The following SCLT1 variants were observed in gnomAD, a reference collection of about 807,000 sequenced individuals.
SCLT1 encodes sodium channel-associated protein 1.
In SCLT1, 78 loss-of-function variants were observed where a neutral mutation model predicts 112.8. The observed-to-expected ratio is 0.69, with a 90% CI of 0.58 to 0.83. SCLT1 has a LOEUF of 0.83. Among genes scored for constraint, SCLT1 ranks in the 40% least tolerant of loss-of-function variants. The pLI is 0.00. For synonymous variants in SCLT1, 257 were observed against 254.7 expected (o/e 1.01, Z -0.09); for missense variants, 747 against 770.4 (o/e 0.97, Z 0.36).
chr4:128,921,380 C>T (rs1380790636), intron 18 of SCLT1, among the ~76,000 whole-genome samples: 1 of 151,950 alleles, frequency 6.6e-6, no homozygotes, highest in Non-Finnish European at 1.5e-5. Flanking sequence ...AAACTGGAGG[C>T]ACCATGTTAA....
At chr4:129,032,990 C>A (rs1423719518) in intron 5 of SCLT1, among the ~76,000 whole-genome samples, 5 of 152,060 alleles carry the variant, frequency 3.3e-5, no homozygotes, top group African/African-American at 1.2e-4. Flanking sequence ...TGTGTATATA[C>A]CCAAAAAATT....
intron 5 of SCLT1, among the ~76,000 whole-genome samples, chr4:129,010,941 A>T (rs1250073533): frequency 3.9e-5 from 6 of 152,182 alleles, no homozygotes; most frequent in Non-Finnish European, 8.8e-5. Flanking sequence ...CCTGGCCAGG[A>T]CTTCCAATAC....
At chr4:128,895,972 C>T (rs1050148608) in intron 18 of SCLT1, among the ~76,000 whole-genome samples, 22 of 152,318 alleles carry the variant, frequency 1.4e-4, no homozygotes, top group East Asian at 9.7e-4. Context: ...AACTGCAAGG[C>T]GGCAGCGAGG....
Position 129,093,237 on chromosome 4 carries a change from C to G in SCLT1, c.-134G>C. The G allele has an allele frequency of 1.3e-6, 1 of 762,726 alleles. No homozygotes were observed. Among genetic ancestry groups the G allele is most frequent in the Admixed American group, 2.1e-5 (1 of 48,408 alleles). 47.2% of individuals were successfully genotyped at this position (762,726 alleles called of 1,614,324 possible). On this transcript the variant is annotated 5_prime_UTR_variant, in exon 1 of 21. Coordinates refer to ENST00000281142, the MANE Select transcript of SCLT1 (RefSeq NM_144643.4). ...AGCGCTCCAGCGGTGCAATCTGCAT[C>G]CTACTCACGCGGCATCTACAGCCCC...
At chr4:129,019,428 T>C (rs1315568913) in intron 5 of SCLT1, among the ~76,000 whole-genome samples, 3 of 152,192 alleles carry the variant, frequency 2.0e-5, no homozygotes, top group East Asian at 1.9e-4. Context: ...TGACAAGCCA[T>C]TGAATATGGC....
At chr4:129,043,088 A>T (rs1176293643) in intron 4 of SCLT1, among the ~76,000 whole-genome samples, 1 of 151,946 alleles carries the variant, frequency 6.6e-6, no homozygotes, top group Non-Finnish European at 1.5e-5. Flanking sequence ...AAGAAAAGAA[A>T]AAAAAAAGAG....
chr4:128,957,290 C>G (rs1739302401), intron 12 of SCLT1, among the ~76,000 whole-genome samples, 166 bp from the exon 13 acceptor site: 2 of 152,122 alleles, frequency 1.3e-5, no homozygotes, highest in Non-Finnish European at 2.9e-5. Context: ...CTAACCTCCT[C>G]ACCTGCCCTT....
At chr4:129,070,760 G>C (rs1750935662) in intron 2 of SCLT1, among the ~76,000 whole-genome samples, 1 of 151,872 alleles carries the variant, frequency 6.6e-6, no homozygotes, top group South Asian at 2.1e-4. Flanking sequence ...TTGCTTGTTT[G>C]TTTCAATTTC....
At chr4:129,001,008 T>C (rs1242285254) in intron 6 of SCLT1, among the ~76,000 whole-genome samples, 2 of 152,026 alleles carry the variant, frequency 1.3e-5, no homozygotes, top group Non-Finnish European at 2.9e-5. Flanking sequence ...TTAAAATTTG[T>C]AGATAAACAC....
chr4:129,043,451 C>A lies in SCLT1; in HGVS notation c.178G>T (p.Val60Phe), dbSNP rs1189057720. 1 of 1,525,210 alleles carries A rather than the reference C, an allele frequency of 6.6e-7. No individual in the cohort carries two copies. Among genetic ancestry groups the A allele is most frequent in the African/African-American group, 1.4e-5 (1 of 72,358 alleles). The allele number at this position is 1,525,210 out of a possible 1,614,324, so 94.5% of individuals were successfully genotyped here. ...CCTAGGTGTTTATCATACTCAGTAA[C>A]AAGAGGAGCTAAAAAGCTAAAAAAA... ...VFDQSFLAPLVTEYDKHLGEL... is the reference protein window; with the variant it reads ...VFDQSFLAPLFTEYDKHLGEL... The change falls in exon 4 of 21, where the codon GTT becomes TTT. Residue 60 changes from valine to phenylalanine, a missense_variant. Val to Phe is a conservative substitution (Grantham distance 50). Around this residue, in one of 2 missense-constraint regions of SCLT1, gnomAD observed 723 missense variants for 721.3 expected, o/e 1.00. Coordinates refer to ENST00000281142, the MANE Select transcript of SCLT1 (RefSeq NM_144643.4).
intron 18 of SCLT1, among the ~76,000 whole-genome samples, chr4:128,928,341 A>C (rs1333395609): frequency 1.3e-5 from 2 of 152,192 alleles, no homozygotes; most frequent in African/African-American, 4.8e-5. Flanking sequence ...TCTCATGAAC[A>C]TAGATAAAAA....
chr4:129,035,024 G>A (rs1468012252), intron 5 of SCLT1, among the ~76,000 whole-genome samples: 1 of 152,098 alleles, frequency 6.6e-6, no homozygotes, highest in Non-Finnish European at 1.5e-5. Context: ...ATTCACTAAT[G>A]TATCTCAAAG....
At chr4:129,042,622 C>G (rs994569899) in intron 4 of SCLT1, among the ~76,000 whole-genome samples, 4 of 152,158 alleles carry the variant, frequency 2.6e-5, no homozygotes, top group Admixed American at 2.6e-4. Context: ...CAAGGAAACA[C>G]TGAATTAAAA....
chr4:129,064,448 A>C (rs571891607), intron 2 of SCLT1, among the ~76,000 whole-genome samples: 1 of 152,198 alleles, frequency 6.6e-6, no homozygotes, highest in Non-Finnish European at 1.5e-5. Flanking sequence ...AATTGTATAG[A>C]TTCACATCTC....
chr4:129,019,619 C>G (rs1471750817), intron 5 of SCLT1, among the ~76,000 whole-genome samples: 1 of 151,898 alleles, frequency 6.6e-6, no homozygotes, highest in Non-Finnish European at 1.5e-5. Context: ...CCATTTGCAC[C>G]CTGCCACAGC....
chr4:128,905,642 G>C (rs796190022), intron 18 of SCLT1, among the ~76,000 whole-genome samples: 16 of 152,122 alleles, frequency 1.1e-4, no homozygotes, highest in African/African-American at 3.9e-4. Context: ...CAATATTACA[G>C]CATTCTTTCC....
intron 14 of SCLT1, among the ~76,000 whole-genome samples, chr4:128,950,287 C>A (rs10028974): frequency 0.45 from 67,688 of 151,828 alleles, 17,281 homozygotes; most frequent in African/African-American, 0.71. Flanking sequence ...TAAAGAAATG[C>A]ATGTGTAAGT....
chr4:129,051,173 T>C (rs188148266), intron 2 of SCLT1, among the ~76,000 whole-genome samples: 283 of 152,284 alleles, frequency 1.9e-3, no homozygotes, highest in Non-Finnish European at 2.9e-3. Context: ...CCTCCAACTT[T>C]GTTCTTTTTG....
intron 14 of SCLT1, among the ~76,000 whole-genome samples, chr4:128,951,146 T>C (rs943822010): frequency 6.6e-6 from 1 of 152,126 alleles, no homozygotes; most frequent in African/African-American, 2.4e-5. Flanking sequence ...ATACTAATAC[T>C]ATTAGTCTAG....
Sources: gnomAD v4.1 joint callset for allele counts (sites outside exome capture counted in the v4.1 genomes callset) on GRCh38, gnomAD v4.1.1 for gene constraint, gnomAD v4.1.1 regional missense constraint, MANE v1.5 for transcripts, NCBI Gene and HGNC (gene_info 2026-07-23, HGNC 2026-07-21) for gene names.